Variants in BICRAL observed in about 807,000 individuals in gnomAD.
The protein encoded by BICRAL is BICRA like chromatin remodeling complex associated protein, also known as BRD4-interacting chromatin-remodeling complex-associated protein-like.
In BICRAL, 8 loss-of-function variants were observed where a neutral mutation model predicts 91.8. The observed-to-expected ratio is 0.09, with a 90% CI of 0.05 to 0.16. BICRAL has a LOEUF of 0.16. Among genes scored for constraint, BICRAL ranks in the 10% least tolerant of loss-of-function variants. The pLI is 1.00. For synonymous variants in BICRAL, 445 were observed against 491.1 expected (o/e 0.91, Z 1.24); for missense variants, 1,038 against 1,310.9 (o/e 0.79, Z 3.21).
upstream of BICRAL, among the ~76,000 whole-genome samples, chr6:42,746,805 C>T (rs973965334): frequency 6.6e-6 from 1 of 152,134 alleles, no homozygotes; most frequent in African/African-American, 2.4e-5. Flanking sequence ...AGGCAAGGGG[C>T]ACTGCGATGG....
chr6:42,833,387 G>C (rs1448692463), intron 6 of BICRAL, among the ~76,000 whole-genome samples: 3 of 152,082 alleles, frequency 2.0e-5, no homozygotes, highest in Non-Finnish European at 4.4e-5. Flanking sequence ...TCCCACCTCA[G>C]CCTCCTGAGT....
chr6:42,832,485 T>A (rs1478557350), intron 6 of BICRAL, among the ~76,000 whole-genome samples: 1 of 149,946 alleles, frequency 6.7e-6, no homozygotes, highest in Non-Finnish European at 1.5e-5. Flanking sequence ...ACCTTTGACT[T>A]ACTAATTTCA....
chr6:42,807,276 C>T (rs139807403), intron 1 of BICRAL, among the ~76,000 whole-genome samples: 1,663 of 151,202 alleles, frequency 0.011, 9 homozygotes, highest in Middle Eastern at 0.031. Flanking sequence ...CTCCGCCTTC[C>T]GGGTTCATGC....
chr6:42,761,600 A>T (rs1393430056), intron 1 of BICRAL, among the ~76,000 whole-genome samples: 3 of 152,294 alleles, frequency 2.0e-5, no homozygotes, highest in South Asian at 2.1e-4. Context: ...AGATAATTTT[A>T]AAAAAGAAAG....
intron 1 of BICRAL, among the ~76,000 whole-genome samples, chr6:42,785,504 T>C (rs1338331524): frequency 2.7e-5 from 4 of 147,034 alleles, no homozygotes; most frequent in African/African-American, 7.7e-5. Context: ...GAGGTTGCAG[T>C]GGCCCGAGAC....
intron 1 of BICRAL, among the ~76,000 whole-genome samples, chr6:42,800,625 C>A (rs1247072624): frequency 6.6e-6 from 1 of 151,640 alleles, no homozygotes; most frequent in African/African-American, 2.4e-5. Context: ...TCTCAGCTCA[C>A]TGCAACCTCC....
intron 1 of BICRAL, among the ~76,000 whole-genome samples, chr6:42,796,906 A>G (rs1463167396): frequency 6.6e-6 from 1 of 151,984 alleles, no homozygotes; most frequent in Non-Finnish European, 1.5e-5. Context: ...TTAGCCAGGT[A>G]TGGTGGCGCA....
chr6:42,816,715 A>T (rs1222429005), intron 2 of BICRAL, among the ~76,000 whole-genome samples: 1 of 152,154 alleles, frequency 6.6e-6, no homozygotes, highest in African/African-American at 2.4e-5. Flanking sequence ...ACAAAAGGAC[A>T]TATAAATAAA....
Position 42,793,122 on chromosome 6 carries a change from ATTTTTTTTTTTTTTTTTTT to A in BICRAL, c.-102+11042_-102+11060del, listed in dbSNP as rs1159342197. Among the ~76,000 whole-genome samples, 38 of 37,254 alleles carry A rather than the reference ATTTTTTTTTTTTTTTTTTT, an allele frequency of 1.0e-3. No individual in the cohort carries two copies. The Middle Eastern group carries it at 0.083, about 82-fold the overall frequency. 24.4% of individuals were successfully genotyped at this position (37,254 alleles called of 152,430 possible). On this transcript the variant is annotated intron_variant, in intron 1 of 12. Coordinates refer to ENST00000314073, the MANE Select transcript of BICRAL (RefSeq NM_001393499.1). ...AAGCGCATGCCACCATGCCCAGCTA[ATTTTTTTTTTTTTTTTTTT>A]TTTTTTTTTTTTTTTTTTTTGAGAC...
At chr6:42,754,506 T>A (rs1277795548) in intron 1 of BICRAL, among the ~76,000 whole-genome samples, 1 of 152,184 alleles carries the variant, frequency 6.6e-6, no homozygotes, top group Non-Finnish European at 1.5e-5. Flanking sequence ...GTAACAGATG[T>A]GTCATAATTG....
At chr6:42,794,961 CA>C (rs34561323) in intron 1 of BICRAL, among the ~76,000 whole-genome samples, 84 of 138,926 alleles carry the variant, frequency 6.0e-4, no homozygotes, top group Admixed American at 8.1e-4. Flanking sequence ...AACGCCATCT[CA>C]AAAAAAAAAA....
rs1253498683 is a variant in BICRAL at position 42,829,139 on chromosome 6, C to G, written c.806C>G (p.Ser269Cys). 1 of 1,613,856 alleles carries G rather than the reference C, an allele frequency of 6.2e-7. No homozygotes were observed. Among genetic ancestry groups the G allele is most frequent in the Non-Finnish European group, 8.5e-7 (1 of 1,179,768 alleles). The change falls in exon 6 of 13, where the codon TCT becomes TGT. Residue 269 changes from serine to cysteine, a missense_variant. Ser to Cys is a moderately radical substitution (Grantham distance 112). Around this residue, in one of 5 missense-constraint regions of BICRAL, gnomAD observed 532 missense variants for 724.9 expected, o/e 0.73. Transcript: ENST00000314073. ...TPNGNSLFGN[S>C]SSSPVAQPVT... ...AATGGCAACTCCTTGTTTGGGAACT[C>G]TAGTTCCAGTCCAGTAGCACAGCCT...
chr6:42,840,844 C>A (rs1179172762), intron 6 of BICRAL, among the ~76,000 whole-genome samples: 1 of 151,450 alleles, frequency 6.6e-6, no homozygotes, highest in Non-Finnish European at 1.5e-5. Flanking sequence ...GAGGCCGAAG[C>A]GGGTGGATCA....
intron 1 of BICRAL, among the ~76,000 whole-genome samples, chr6:42,790,892 G>A (rs1385459034): frequency 6.6e-6 from 1 of 152,036 alleles, no homozygotes; most frequent in African/African-American, 2.4e-5. Context: ...GGGAGTTGGG[G>A]AAGAGTGAAA....
intron 6 of BICRAL, among the ~76,000 whole-genome samples, chr6:42,830,564 A>G (rs1293582005): frequency 6.6e-6 from 1 of 151,892 alleles, no homozygotes; most frequent in African/African-American, 2.4e-5. Flanking sequence ...GTCTCAAAAA[A>G]AAAAAATTTT....
chr6:42,864,862 G>T lies in BICRAL; in HGVS notation c.2656G>T (p.Val886Leu), dbSNP rs747872038. 2 of 1,614,086 alleles carry T rather than the reference G, an allele frequency of 1.2e-6. No individual in the cohort carries two copies. The highest frequency in any genetic ancestry group is 2.2e-5 in the South Asian group (2 of 91,074). Residue 886 changes from valine (V) to leucine (L), a missense_variant, in exon 13 of 13, where the codon GTG (valine) becomes TTG (leucine). Physicochemically the swap from Val to Leu is conservative, Grantham distance 32. This residue lies in a region of BICRAL where 294 missense variants were observed against 292.6 expected (regional missense o/e 1.00). Coordinates refer to ENST00000314073, the MANE Select transcript of BICRAL (RefSeq NM_001393499.1). Reference protein sequence around the residue: ...DQFHLVPNHIVVSAEGNISKK... With the variant: ...DQFHLVPNHILVSAEGNISKK... ...GTTTCATCTAGTGCCTAATCACATC[G>T]TGGTCTCTGCAGAAGGAAACATTTC... is the stretch of plus-strand genomic sequence containing the variant.
upstream of BICRAL, among the ~76,000 whole-genome samples, chr6:42,777,829 A>G (rs1762826712): frequency 6.6e-6 from 1 of 152,118 alleles, no homozygotes; most frequent in African/African-American, 2.4e-5. Context: ...ACATACACAG[A>G]TGGGAATCAT....
intron 10 of BICRAL, among the ~76,000 whole-genome samples, chr6:42,859,164 G>A (rs1383443362): frequency 6.6e-6 from 1 of 152,056 alleles, no homozygotes; most frequent in Non-Finnish European, 1.5e-5. Context: ...GCCGAGGTGG[G>A]CAGATCATGA....
intron 1 of BICRAL, among the ~76,000 whole-genome samples, chr6:42,793,471 G>A (rs1170364515): frequency 6.7e-6 from 1 of 150,100 alleles, no homozygotes. Context: ...TGTATTTTTA[G>A]TAGAGATGGG....
Sources: gnomAD v4.1 joint callset for allele counts (sites outside exome capture counted in the v4.1 genomes callset) on GRCh38, gnomAD v4.1.1 for gene constraint, gnomAD v4.1.1 regional missense constraint, MANE v1.5 for transcripts, NCBI Gene and HGNC (gene_info 2026-07-23, HGNC 2026-07-21) for gene names.